NR1H4: variants seen among roughly 807,000 people sequenced by gnomAD.
NR1H4 encodes bile acid receptor.
Under a neutral mutation model 58.5 loss-of-function variants are expected in NR1H4, and 23 were observed. The observed-to-expected ratio is 0.39, with a 90% confidence interval of 0.28 to 0.56. The LOEUF (loss-of-function observed/expected upper bound fraction) is 0.56, where lower values mean the gene tolerates loss of function less well. Ranked by LOEUF, NR1H4 falls within the 20% of genes least tolerant of loss-of-function variation. NR1H4 has a pLI of 0.58. For missense variants in NR1H4, 487 were observed against 576.9 expected, an observed-to-expected ratio of 0.84 and a Z score of 1.60; for synonymous variants, 214 against 198.0, an observed-to-expected ratio of 1.08 and a Z score of -0.68.
At position 100,513,379 on chromosome 12, in the gene NR1H4, G is replaced by A. The variant is rs564117102; in HGVS notation, c.445+2236G>A. On this transcript the variant is annotated intron_variant, in intron 4 of 10. Coordinates refer to ENST00000392986, the MANE Select transcript of NR1H4 (RefSeq NM_001206979.2). The stretch of plus-strand genomic sequence containing the variant: ...ATGATAAAAAGTAAATATTACCCTC[G>A]ATTCCTATATGAAGTGGCAGATCTT... 6.6e-5 allele frequency among the ~76,000 whole-genome samples: 10 copies of A among 152,136 alleles called. No homozygotes were observed. The South Asian group carries it at 1.7e-3, about 25-fold the overall frequency.
At chr12:100,546,407 C>A (rs940282692) in intron 9 of NR1H4, among the ~76,000 whole-genome samples, 2 of 151,912 alleles carry the variant, frequency 1.3e-5, no homozygotes. Flanking sequence ...TCCAAATCAA[C>A]GTCCATTGCC....
At chr12:100,544,444 A>C (rs1441192774) in intron 9 of NR1H4, among the ~76,000 whole-genome samples, 1 of 152,094 alleles carries the variant, frequency 6.6e-6, no homozygotes, top group Admixed American at 6.6e-5. Flanking sequence ...ATCTGGATTG[A>C]ATATGGGCCC....
intron 4 of NR1H4, among the ~76,000 whole-genome samples, chr12:100,515,753 A>G (rs367959349): frequency 4.7e-4 from 71 of 152,330 alleles, no homozygotes; most frequent in Middle Eastern, 3.4e-3. Context: ...TGTAATGGCA[A>G]TGTGAGTGTT....
At chr12:100,558,571 C>T (rs1955389457) in intron 9 of NR1H4, among the ~76,000 whole-genome samples, 1 of 152,166 alleles carries the variant, frequency 6.6e-6, no homozygotes, top group African/African-American at 2.4e-5. Context: ...GTTGCCCAGG[C>T]TAGTCTCAAA....
intron 4 of NR1H4, among the ~76,000 whole-genome samples, chr12:100,524,836 C>A (rs74583193): frequency 6.6e-6 from 1 of 152,136 alleles, no homozygotes; most frequent in Admixed American, 6.5e-5. Context: ...TCTTCCCTCC[C>A]AACAAACATG....
chr12:100,476,822 G>A (rs1953280887), intron 1 of NR1H4, among the ~76,000 whole-genome samples: 1 of 152,118 alleles, frequency 6.6e-6, no homozygotes, highest in Non-Finnish European at 1.5e-5. Flanking sequence ...AGGAGTTCAA[G>A]GCTGCAGTGA....
In NR1H4 at chr12:100,563,672, A is replaced by T. The variant is rs1319204760; in HGVS notation, c.*183A>T. 9.9e-6 allele frequency: 6 copies of T among 605,706 alleles called. No individual in the cohort carries two copies. In the Admixed American group the frequency reaches 1.5e-4, roughly 15 times the overall value. The allele number at this position is 605,706 out of a possible 1,614,324, so 37.5% of individuals were successfully genotyped here. A position where few individuals can be genotyped will look rare whatever the true frequency, so the allele number is the denominator to read the frequency against. Reference sequence around the variant, plus strand: ...GGCTAGATAGAACAACTTTCTCTACATTGTGTTTTAAAAGGCTCCAGGGAA... The same window carrying T: ...GGCTAGATAGAACAACTTTCTCTACTTTGTGTTTTAAAAGGCTCCAGGGAA... On this transcript the variant is annotated 3_prime_UTR_variant, in exon 11 of 11. Coordinates refer to ENST00000392986, the MANE Select transcript of NR1H4 (RefSeq NM_001206979.2).
intron 4 of NR1H4, among the ~76,000 whole-genome samples, chr12:100,513,905 A>G (rs779661067): frequency 6.6e-6 from 1 of 152,310 alleles, no homozygotes; most frequent in Non-Finnish European, 1.5e-5. Flanking sequence ...CAAGCCTTGA[A>G]CTGGAATTAA....
intron 1 of NR1H4, among the ~76,000 whole-genome samples, chr12:100,475,423 C>G (rs1953248099): frequency 6.6e-6 from 1 of 152,170 alleles, no homozygotes; most frequent in Non-Finnish European, 1.5e-5. Flanking sequence ...CTCTCTTGTC[C>G]TGAGACCCTT....
At chr12:100,558,356 A>G (rs1482084655) in intron 9 of NR1H4, among the ~76,000 whole-genome samples, 108 of 38,568 alleles carry the variant, frequency 2.8e-3, no homozygotes, top group African/African-American at 7.4e-3. Flanking sequence ...TCTCAAAAAA[A>G]AAAAAAAAAA....
chr12:100,537,331 T>C (rs1200154521), intron 8 of NR1H4, among the ~76,000 whole-genome samples: 1 of 152,194 alleles, frequency 6.6e-6, no homozygotes, highest in African/African-American at 2.4e-5. Context: ...ACATAAGATA[T>C]TAGAACTAGA....
intron 9 of NR1H4, among the ~76,000 whole-genome samples, chr12:100,545,661 AAAAAAAAAC>A (rs1465125858): frequency 5.4e-5 from 8 of 147,968 alleles, no homozygotes; most frequent in East Asian, 1.9e-4. Context: ...AAAAAAAAAA[AAAAAAAAAC>A]CAAACGGGGG....
At chr12:100,493,445 C>T (rs958097944) in intron 3 of NR1H4, 43 bp downstream of exon 3, 15 of 978,254 alleles carry the variant, frequency 1.5e-5, no homozygotes, top group African/African-American at 6.4e-5. Flanking sequence ...GAACAAACTA[C>T]GATTTGGAAA....
chr12:100,535,090 G>C (rs2136237428), intron 6 of NR1H4, 67 bp downstream of exon 6: 1 of 1,587,768 alleles, frequency 6.3e-7, no homozygotes, highest in Non-Finnish European at 8.6e-7. Flanking sequence ...TAGTGAGCTG[G>C]CCAGGAGGCT....
chr12:100,541,300 T>A (rs1454035944), intron 9 of NR1H4, among the ~76,000 whole-genome samples: 2 of 152,068 alleles, frequency 1.3e-5, no homozygotes, highest in Non-Finnish European at 2.9e-5. Context: ...TTTTTTTTTT[T>A]TAGACACAGT....
chr12:100,560,851 AGAGT>A (rs1489603946), intron 9 of NR1H4, among the ~76,000 whole-genome samples: 1 of 152,168 alleles, frequency 6.6e-6, no homozygotes, highest in African/African-American at 2.4e-5. Flanking sequence ...GCACCAGGTG[AGAGT>A]GAGGAGGAGA....
intron 9 of NR1H4, among the ~76,000 whole-genome samples, chr12:100,543,907 T>C (rs910035215): frequency 5.9e-5 from 9 of 152,140 alleles, no homozygotes; most frequent in Admixed American, 5.9e-4. Context: ...AGCTTAGCTT[T>C]GTCATTTATT....
intron 1 of NR1H4, among the ~76,000 whole-genome samples, chr12:100,482,867 A>T (rs1339655563): frequency 6.6e-6 from 1 of 152,146 alleles, no homozygotes; most frequent in Non-Finnish European, 1.5e-5. Context: ...CCATTGTGTA[A>T]GCTCCAGAGA....
chr12:100,477,250 C>G (rs1953290216), intron 1 of NR1H4, among the ~76,000 whole-genome samples: 1 of 151,806 alleles, frequency 6.6e-6, no homozygotes, highest in Non-Finnish European at 1.5e-5. Context: ...AACTTGATTG[C>G]AAAGTAAAAT....
Sources: gnomAD v4.1 joint callset for allele counts (sites outside exome capture counted in the v4.1 genomes callset) on GRCh38, gnomAD v4.1.1 for gene constraint, MANE v1.5 for transcripts, NCBI Gene and HGNC (gene_info 2026-07-23, HGNC 2026-07-21) for gene names.